Variants in ACTA2 observed in about 807,000 individuals in gnomAD.
ACTA2 encodes actin alpha 2, smooth muscle, also known as actin, aortic smooth muscle.
A neutral mutation model predicts 39.5 loss-of-function variants in ACTA2; 12 were observed. The observed-to-expected ratio is 0.30, with a 90% CI of 0.19 to 0.49. The LOEUF (loss-of-function observed/expected upper bound fraction) is 0.49, where lower values mean the gene tolerates loss of function less well. Ranked by LOEUF, ACTA2 falls within the 20% of genes least tolerant of loss-of-function variation. ACTA2 has a pLI of 0.99. For synonymous variants in ACTA2, 158 were observed against 180.6 expected, an observed-to-expected ratio of 0.88 and a Z score of 1.00; for missense variants, 236 against 498.8, an observed-to-expected ratio of 0.47 and a Z score of 5.02.
At chr10:88,943,971 A>T in intron 3 of ACTA2, 64 bp from the exon 4 acceptor site, 1 of 1,459,312 alleles carries the variant, frequency 6.9e-7, no homozygotes, top group East Asian at 2.3e-5. Flanking sequence ...TGCATTTCCC[A>T]AAAAGGGACC....
Position 88,949,391 on chromosome 10 carries a change from G to A in ACTA2, c.-23-438C>T, listed in dbSNP as rs186083661. Among the ~76,000 whole-genome samples the A allele has an allele frequency of 3.6e-3, 542 of 152,234 alleles. 2 individuals carry two copies. The highest frequency in any genetic ancestry group is 0.013 in the African/African-American group (523 of 41,526). ...CCCAAATGCACATTTTTCTAGATAT[G>A]CTATACCTTTTTGAAATTTTTTCAA... On this transcript the variant is annotated intron_variant, in intron 1 of 8. Coordinates refer to ENST00000224784, the MANE Select transcript of ACTA2 (RefSeq NM_001613.4).
chr10:88,989,321 C>T lies in ACTA2; in HGVS notation c.-24+1618G>A, dbSNP rs951721307. 4.0e-5 allele frequency: 13 copies of T among 324,152 alleles called. No individual in the cohort carries two copies. In the Admixed American group the frequency reaches 4.8e-4, roughly 12 times the overall value. 20.1% of individuals were successfully genotyped at this position (324,152 alleles called of 1,614,324 possible). On this transcript the variant is annotated intron_variant, in intron 1 of 4. Transcript: ENST00000415557. ...TTACCTCTCCTTTCCTTCCCTCACA[C>T]CCCTTTTCCTTCCTTCTTTTTACAT... is the stretch of plus-strand genomic sequence containing the variant.
At chr10:88,942,781 A>G (rs185306978) in intron 4 of ACTA2, among the ~76,000 whole-genome samples, 1 of 152,266 alleles carries the variant, frequency 6.6e-6, no homozygotes, top group East Asian at 1.9e-4. Flanking sequence ...GACAGGAACA[A>G]TAATTCATCA....
intron 1 of ACTA2, among the ~76,000 whole-genome samples, chr10:88,966,386 T>C (rs1846318276): frequency 6.6e-6 from 1 of 152,164 alleles, no homozygotes; most frequent in Non-Finnish European, 1.5e-5. Context: ...CCTCTGATTG[T>C]CTGTGTGGCT....
At chr10:88,937,979 C>T (rs564711615) in intron 8 of ACTA2, 82 bp downstream of exon 8, 2 of 1,529,602 alleles carry the variant, frequency 1.3e-6, no homozygotes, top group African/African-American at 1.4e-5. Context: ...CACCAAAATA[C>T]AGTCTCTGAA....
chr10:88,973,230 G>C (rs752777512), intron 1 of ACTA2: 2 of 1,612,502 alleles, frequency 1.2e-6, no homozygotes, highest in South Asian at 2.2e-5. Context: ...TTTGGAGATG[G>C]AGCCCCTGAA....
chr10:88,967,926 T>C (rs1162983554), intron 1 of ACTA2, among the ~76,000 whole-genome samples: 3 of 152,148 alleles, frequency 2.0e-5, no homozygotes, highest in Admixed American at 6.5e-5. Context: ...TCTCAAGAGT[T>C]TGTTAGTATG....
Position 88,935,367 on chromosome 10 carries a change from C to G in ACTA2, c.991-1G>C, listed in dbSNP as rs794728031. On this transcript the variant is annotated splice_acceptor_variant, in intron 8 of 8. Coordinates refer to ENST00000224784, the MANE Select transcript of ACTA2 (RefSeq NM_001613.4). LOFTEE classifies it high-confidence loss of function. ...ATTTGCGCTCCGGAGGGGCAATGAT[C>G]TGTCAGTCAAGATGAAAAAGAATGG... 6.2e-7 allele frequency: 1 copy of G among 1,613,682 alleles called. No homozygotes were observed. The highest frequency in any genetic ancestry group is 8.5e-7 in the Non-Finnish European group (1 of 1,179,714).
chr10:88,953,864 C>T (rs1333917973), upstream of ACTA2, among the ~76,000 whole-genome samples: 5 of 152,152 alleles, frequency 3.3e-5, no homozygotes, highest in African/African-American at 1.2e-4. Flanking sequence ...CCCCTTTTGC[C>T]ATGAGTTTAA....
At chr10:88,978,980 A>C (rs1328671444) in intron 1 of ACTA2, among the ~76,000 whole-genome samples, 2 of 151,856 alleles carry the variant, frequency 1.3e-5, no homozygotes, top group Admixed American at 6.6e-5. Flanking sequence ...TTTTCTATGA[A>C]TTACCTCCTT....
At chr10:88,980,559 T>C (rs1846685985) in intron 1 of ACTA2, among the ~76,000 whole-genome samples, 1 of 152,156 alleles carries the variant, frequency 6.6e-6, no homozygotes, top group Non-Finnish European at 1.5e-5. Context: ...AATGTTCTTA[T>C]CCTGCCTACT....
chr10:88,963,983 A>G (rs746694400), intron 1 of ACTA2, among the ~76,000 whole-genome samples: 84 of 152,020 alleles, frequency 5.5e-4, no homozygotes, highest in Admixed American at 5.5e-3. Flanking sequence ...AGTTTTCCTA[A>G]CAGGCCCTAC....
chr10:88,952,076 C>A (rs1846059906), intron 1 of ACTA2, among the ~76,000 whole-genome samples: 1 of 152,184 alleles, frequency 6.6e-6, no homozygotes, highest in South Asian at 2.1e-4. Flanking sequence ...GAGAAAAATT[C>A]AGCAGGTCAC....
At chr10:88,978,386 A>G (rs1846626101) in intron 1 of ACTA2, among the ~76,000 whole-genome samples, 1 of 152,002 alleles carries the variant, frequency 6.6e-6, no homozygotes, top group African/African-American at 2.4e-5. Flanking sequence ...GTACCCTAAA[A>G]CTTAAAGTAT....
chr10:88,975,807 C>T (rs936966450), intron 1 of ACTA2, among the ~76,000 whole-genome samples: 11 of 152,164 alleles, frequency 7.2e-5, no homozygotes, highest in Admixed American at 2.0e-4. Context: ...TTGAGGCTCA[C>T]CTCCATTGAA....
At chr10:88,955,592 A>G (rs1846125218), upstream of ACTA2, among the ~76,000 whole-genome samples, 1 of 152,210 alleles carries the variant, frequency 6.6e-6, no homozygotes, top group Non-Finnish European at 1.5e-5. Flanking sequence ...ATTTGAGCAT[A>G]ATTAATATTC....
intron 6 of ACTA2, chr10:88,940,653 A>AATCTG (rs1189990678): frequency 1.7e-5 from 3 of 172,854 alleles, no homozygotes; most frequent in Admixed American, 5.4e-5. Flanking sequence ...ACCGGCTTAG[A>AATCTG]ATCTGAATAC....
chr10:88,957,404 T>A (rs944413929), upstream of ACTA2, among the ~76,000 whole-genome samples: 6 of 152,150 alleles, frequency 3.9e-5, no homozygotes, highest in South Asian at 1.2e-3. Flanking sequence ...AGAAATTAGG[T>A]TTAACTATGA....
intron 1 of ACTA2, among the ~76,000 whole-genome samples, chr10:88,967,025 T>C (rs1023342296): frequency 6.6e-6 from 1 of 152,150 alleles, no homozygotes; most frequent in South Asian, 2.1e-4. Flanking sequence ...GCCTGGGAGT[T>C]TATACAACAC....
Sources: gnomAD v4.1 joint callset for allele counts (sites outside exome capture counted in the v4.1 genomes callset) on GRCh38, gnomAD v4.1.1 for gene constraint, MANE v1.5 for transcripts, NCBI Gene and HGNC (gene_info 2026-07-23, HGNC 2026-07-21) for gene names.